The following ELOVL7 variants were observed in gnomAD, a reference collection of about 807,000 sequenced individuals.
ELOVL7 encodes the protein very long chain fatty acid elongase 7.
Under a neutral mutation model 35.7 loss-of-function variants are expected in ELOVL7, and 27 were observed. That is an observed-to-expected ratio of 0.76 (90% CI 0.56 to 1.04). ELOVL7 has a LOEUF of 1.04. ELOVL7 is among the 50% of genes least tolerant of loss of function. ELOVL7 has a pLI of 0.00. For missense variants in ELOVL7, 327 were observed against 340.8 expected, an observed-to-expected ratio of 0.96 and a Z score of 0.32; for synonymous variants, 113 against 114.6, an observed-to-expected ratio of 0.99 and a Z score of 0.09.
At chr5:60,766,853 T>C (rs1476705854) in intron 5 of ELOVL7, among the ~76,000 whole-genome samples, 2 of 152,188 alleles carry the variant, frequency 1.3e-5, no homozygotes, top group Non-Finnish European at 2.9e-5. Flanking sequence ...CCCACTAAAC[T>C]ACATCCCATT....
chr5:60,757,103 T>C (rs571646179), intron 8 of ELOVL7, among the ~76,000 whole-genome samples: 2 of 152,174 alleles, frequency 1.3e-5, no homozygotes, highest in East Asian at 3.9e-4. Context: ...CTTATAAATG[T>C]TGGGACTATA....
At chr5:60,835,995 G>A (rs1388724432) in intron 1 of ELOVL7, among the ~76,000 whole-genome samples, 1 of 151,988 alleles carries the variant, frequency 6.6e-6, no homozygotes, top group Admixed American at 6.5e-5. Context: ...ACCACCCCAT[G>A]TGCTTATAGG....
chr5:60,785,010 T>C (rs1320966875), intron 3 of ELOVL7, among the ~76,000 whole-genome samples: 1 of 152,226 alleles, frequency 6.6e-6, no homozygotes, highest in Non-Finnish European at 1.5e-5. Flanking sequence ...AGCTGGTAGA[T>C]GCTATTCTCA....
At chr5:60,797,580 G>T (rs539425248) in intron 2 of ELOVL7, among the ~76,000 whole-genome samples, 9 of 152,196 alleles carry the variant, frequency 5.9e-5, no homozygotes, top group Admixed American at 1.3e-4. Flanking sequence ...AGTTAGTACA[G>T]ATCCCAGAGA....
intron 1 of ELOVL7, among the ~76,000 whole-genome samples, chr5:60,810,512 A>T (rs559932888): frequency 6.6e-6 from 1 of 152,322 alleles, no homozygotes; most frequent in East Asian, 1.9e-4. Flanking sequence ...TTTGCCCATT[A>T]CCTATACATG....
At chr5:60,793,022 A>C (rs1220354338) in intron 2 of ELOVL7, among the ~76,000 whole-genome samples, 1 of 152,128 alleles carries the variant, frequency 6.6e-6, no homozygotes, top group Non-Finnish European at 1.5e-5. Flanking sequence ...CTTTTCATGG[A>C]GCAGAGAGCT....
chr5:60,833,019 C>T (rs1022578976), intron 1 of ELOVL7, among the ~76,000 whole-genome samples: 7 of 152,148 alleles, frequency 4.6e-5, no homozygotes, highest in African/African-American at 7.2e-5. Flanking sequence ...ATGGGGGAAG[C>T]ATAATCCTCG....
chr5:60,763,462 C>T (rs1246941924), intron 7 of ELOVL7, among the ~76,000 whole-genome samples: 1 of 152,280 alleles, frequency 6.6e-6, no homozygotes, highest in East Asian at 1.9e-4. Context: ...ATGTTATCAG[C>T]TATAGGTCTA....
chr5:60,757,312 G>A (rs557884512), intron 8 of ELOVL7, among the ~76,000 whole-genome samples, 197 bp downstream of exon 8: 5 of 152,210 alleles, frequency 3.3e-5, no homozygotes, highest in African/African-American at 1.2e-4. Flanking sequence ...ACACATGCTT[G>A]TTTAACTGTC....
chr5:60,821,907 G>A (rs1010405055), intron 1 of ELOVL7, among the ~76,000 whole-genome samples: 12 of 152,208 alleles, frequency 7.9e-5, no homozygotes, highest in African/African-American at 2.9e-4. Context: ...ATGTGCAATA[G>A]GACCATTTAC....
chr5:60,787,361 G>A lies in ELOVL7; in HGVS notation c.37C>T (p.Leu13Phe). 6.2e-7 allele frequency: 1 copy of A among 1,605,444 alleles called. No homozygotes were observed. The highest frequency in any genetic ancestry group is 8.5e-7 in the Non-Finnish European group (1 of 1,177,298). ...FSDLTSRTVH[L>F]YDNWIKDADP... The stretch of plus-strand genomic sequence containing the variant: ...GCATCTTTGATCCAATTATCATAAA[G>A]ATGCACAGTCCTCGATGTAAGATCA... Residue 13 changes from leucine (L) to phenylalanine (F), a missense_variant, in exon 3 of 9, where the codon CTT becomes TTT. Coordinates refer to ENST00000508821, the MANE Select transcript of ELOVL7 (RefSeq NM_024930.3).
chr5:60,802,107 TATATATATATACACAC>T lies in ELOVL7; in HGVS notation c.-85-2893_-85-2878del, dbSNP rs1561454094. Among the ~76,000 whole-genome samples the T allele has an allele frequency of 1.4e-3, 11 of 8,088 alleles. 1 individual carries two copies. The highest frequency in any genetic ancestry group is 1.6e-3 in the Non-Finnish European group (7 of 4,350). The allele number at this position is 8,088 out of a possible 152,430, so 5.3% of individuals were successfully genotyped here. A position where few individuals can be genotyped will look rare whatever the true frequency, so the allele number is the denominator to read the frequency against. ...ATATATATATATATATATATATATA[TATATATATATACACAC>T]ACACACACACACATATATCCTATTG... is the stretch of plus-strand genomic sequence containing the variant. On this transcript the variant is annotated intron_variant, in intron 1 of 8. Coordinates refer to ENST00000508821, the MANE Select transcript of ELOVL7 (RefSeq NM_024930.3).
chr5:60,778,017 C>T (rs370167449), intron 3 of ELOVL7, among the ~76,000 whole-genome samples: 6 of 152,180 alleles, frequency 3.9e-5, no homozygotes, highest in East Asian at 1.9e-4. Context: ...TCTATAATTT[C>T]GGAAGTATTT....
intron 1 of ELOVL7, among the ~76,000 whole-genome samples, chr5:60,814,852 C>A (rs943014461): frequency 6.6e-6 from 1 of 152,142 alleles, no homozygotes; most frequent in African/African-American, 2.4e-5. Flanking sequence ...CACACTAAGC[C>A]CTATGCTGGG....
chr5:60,798,558 A>T (rs1744404096), intron 2 of ELOVL7, among the ~76,000 whole-genome samples: 1 of 152,212 alleles, frequency 6.6e-6, no homozygotes, highest in Non-Finnish European at 1.5e-5. Context: ...TGTAAAAAAA[A>T]TTATTTTCTT....
intron 7 of ELOVL7, among the ~76,000 whole-genome samples, chr5:60,761,329 G>A (rs938039598): frequency 2.0e-5 from 3 of 152,032 alleles, no homozygotes; most frequent in African/African-American, 7.2e-5. Context: ...AGAATAGCTG[G>A]ATTGCTATTA....
chr5:60,784,130 A>G, intron 3 of ELOVL7: 2 of 1,519,102 alleles, frequency 1.3e-6, no homozygotes, highest in Non-Finnish European at 1.8e-6. Flanking sequence ...AGCTGCTTCT[A>G]AGAGAGTATT....
chr5:60,767,592 A>C (rs1453653871), intron 5 of ELOVL7, among the ~76,000 whole-genome samples: 1 of 152,160 alleles, frequency 6.6e-6, no homozygotes, highest in East Asian at 1.9e-4. Context: ...CCACATGTGA[A>C]TTTATTTTTA....
intron 1 of ELOVL7, chr5:60,843,358 AACCTGGGAAAGCCCATTTCCCAACG>A (rs1442653633): frequency 1.0e-5 from 1 of 97,382 alleles, no homozygotes; most frequent in African/African-American, 3.1e-5. Flanking sequence ...TTTCCCAACG[AACCTGGGAAAGCCCATTTCCCAACG>A]AACCTGGGAA....
Sources: gnomAD v4.1 joint callset for allele counts (sites outside exome capture counted in the v4.1 genomes callset) on GRCh38, gnomAD v4.1.1 for gene constraint, MANE v1.5 for transcripts, NCBI Gene and HGNC (gene_info 2026-07-23, HGNC 2026-07-21) for gene names.